DAB1: variants seen among roughly 807,000 people sequenced by gnomAD.
DAB1 encodes disabled homolog 1.
In DAB1, 15 loss-of-function variants were observed where a neutral mutation model predicts 64.6. That is an observed-to-expected ratio of 0.23 (90% confidence interval 0.16 to 0.36). The LOEUF (loss-of-function observed/expected upper bound fraction) is 0.36, where lower values mean the gene tolerates loss of function less well. Among genes scored for constraint, DAB1 ranks in the 10% least tolerant of loss-of-function variants. DAB1 has a pLI of 1.00. For missense variants in DAB1, 596 were observed against 706.7 expected (o/e 0.84, Z 1.78); for synonymous variants, 235 against 251.9 (o/e 0.93, Z 0.64).
chr1:58,080,746 T>C (rs904043089), intron 5 of DAB1, among the ~76,000 whole-genome samples: 4 of 152,234 alleles, frequency 2.6e-5, no homozygotes, highest in Admixed American at 6.5e-5. Flanking sequence ...CGCTCTGCCA[T>C]TTATTGCATG....
At chr1:56,999,814 T>G (rs962241679) in intron 14 of DAB1, among the ~76,000 whole-genome samples, 1 of 152,174 alleles carries the variant, frequency 6.6e-6, no homozygotes, top group African/African-American at 2.4e-5. Flanking sequence ...ACTTGTTATG[T>G]TTGTATTCTT....
At chr1:57,495,186 A>G (rs1368176519) in intron 7 of DAB1, among the ~76,000 whole-genome samples, 1 of 152,184 alleles carries the variant, frequency 6.6e-6, no homozygotes, top group Non-Finnish European at 1.5e-5. Context: ...ATTTGCCTAG[A>G]TTAACTGAAA....
At position 58,340,162 on chromosome 1, in the gene DAB1, T is replaced by C. The variant is rs143230745; in HGVS notation, n.309+3190A>G. Among the ~76,000 whole-genome samples the C allele has an allele frequency of 2.9e-3, 436 of 152,324 alleles. 3 individuals are homozygous for C. Among genetic ancestry groups the C allele is most frequent in the African/African-American group, 9.7e-3 (404 of 41,594 alleles). The stretch of plus-strand genomic sequence containing the variant: ...GCTTTTCTATACAGACTTTTTATTT[T>C]ACCCATTTGTCAGAGAATATTAACA... On this transcript the variant is annotated intron_variant and non_coding_transcript_variant, in intron 4 of 20. Transcript: ENST00000485760.
intron 2 of DAB1, among the ~76,000 whole-genome samples, chr1:57,275,897 G>A (rs190512323): frequency 6.6e-6 from 1 of 152,290 alleles, no homozygotes; most frequent in Admixed American, 6.5e-5. Flanking sequence ...ACTGCTAAAA[G>A]CAGTTCTGTA....
intron 4 of DAB1, among the ~76,000 whole-genome samples, chr1:57,122,723 T>A (rs1656771699): frequency 6.6e-6 from 1 of 152,162 alleles, no homozygotes; most frequent in Admixed American, 6.5e-5. Flanking sequence ...ATTCCCTTTC[T>A]TCAATAAACC....
intron 1 of DAB1, chr1:58,527,398 CAG>C (rs1421093224): frequency 2.0e-5 from 16 of 811,064 alleles, no homozygotes; most frequent in Middle Eastern, 2.3e-4. Context: ...AGGAGTAACA[CAG>C]AGAGATTTTT....
At chr1:58,325,187 GA>G (rs1413053595) in intron 4 of DAB1, among the ~76,000 whole-genome samples, 1 of 152,222 alleles carries the variant, frequency 6.6e-6, no homozygotes, top group Non-Finnish European at 1.5e-5. Context: ...ATTCACAGGA[GA>G]CAGGAGAGAA....
intron 4 of DAB1, among the ~76,000 whole-genome samples, chr1:57,103,026 C>T (rs539611325): frequency 2.2e-4 from 33 of 152,120 alleles, no homozygotes; most frequent in Non-Finnish European, 4.6e-4. Flanking sequence ...GTCTCAGAAA[C>T]CCACACGCTC....
chr1:57,119,216 G>GTC (rs1656419050), intron 4 of DAB1, among the ~76,000 whole-genome samples: 1 of 152,162 alleles, frequency 6.6e-6, no homozygotes, highest in Non-Finnish European at 1.5e-5. Context: ...AACAATGCAA[G>GTC]ATTTATGGCA....
intron 5 of DAB1, among the ~76,000 whole-genome samples, chr1:58,111,234 C>T (rs562705865): frequency 6.6e-6 from 1 of 152,338 alleles, no homozygotes; most frequent in East Asian, 1.9e-4. Flanking sequence ...TGTGTAATCT[C>T]AGGCAAGTTA....
intron 1 of DAB1, among the ~76,000 whole-genome samples, chr1:57,407,453 C>T (rs1683733561): frequency 6.6e-6 from 1 of 152,144 alleles, no homozygotes. Context: ...AAGGGAAGAG[C>T]GGTGTGACTT....
chr1:57,449,904 G>A (rs1686287765), intron 7 of DAB1, among the ~76,000 whole-genome samples: 1 of 152,158 alleles, frequency 6.6e-6, no homozygotes, highest in South Asian at 2.1e-4. Flanking sequence ...ATTGTTTAGA[G>A]CATTAACTAT....
chr1:58,423,515 C>G (rs560266092), intron 3 of DAB1, among the ~76,000 whole-genome samples: 7 of 152,332 alleles, frequency 4.6e-5, no homozygotes, highest in African/African-American at 1.7e-4. Context: ...ACCGCACCGT[C>G]TGCCATTTCT....
chr1:58,261,490 T>C (rs1287559765), intron 4 of DAB1, among the ~76,000 whole-genome samples: 2 of 152,072 alleles, frequency 1.3e-5, no homozygotes, highest in Non-Finnish European at 2.9e-5. Context: ...CAGATAGACC[T>C]CTCTCAAGAG....
intron 5 of DAB1, among the ~76,000 whole-genome samples, chr1:58,124,732 G>T (rs915806049): frequency 2.0e-5 from 3 of 152,162 alleles, no homozygotes; most frequent in Non-Finnish European, 4.4e-5. Flanking sequence ...ATCTGTGTGT[G>T]CTTAGGCCAG....
At chr1:57,159,255 A>G (rs1301165615) in intron 2 of DAB1, among the ~76,000 whole-genome samples, 1 of 152,162 alleles carries the variant, frequency 6.6e-6, no homozygotes, top group Non-Finnish European at 1.5e-5. Context: ...TAAATTCTTA[A>G]TAACAAAAGA....
At position 58,527,101 on chromosome 1, in the gene DAB1, G is replaced by C. The variant is rs146374186; in HGVS notation, n.107+160C>G. The stretch of plus-strand genomic sequence containing the variant: ...ACTCTTCAGTTATACATTCTTTCAA[G>C]GTCCATAATCTTCAAATTTCTAGAT... On this transcript the variant is annotated intron_variant and non_coding_transcript_variant, in intron 2 of 20. Coordinates refer to the DAB1 transcript ENST00000485760. 1.1e-4 allele frequency among the ~76,000 whole-genome samples: 16 copies of C among 152,132 alleles called. No individual in the cohort carries two copies. In the East Asian group the frequency reaches 3.1e-3, roughly 29 times the overall value.
At chr1:57,479,811 C>T (rs533837015) in intron 7 of DAB1, among the ~76,000 whole-genome samples, 20 of 152,218 alleles carry the variant, frequency 1.3e-4, no homozygotes, top group African/African-American at 4.6e-4. Context: ...TGAAGCTATA[C>T]TTCATATAAA....
rs1206615214 is a variant in DAB1, at chr1:57,025,985, G to A, written c.782C>T (p.Pro261Leu). The A allele has an allele frequency of 2.5e-6, 4 of 1,581,138 alleles. No individual in the cohort carries two copies. The highest frequency in any genetic ancestry group is 3.7e-5 in the Admixed American group (2 of 53,680). The part of the protein sequence containing the change: ...DMSTPPDITS[P>L]PTPATPGDAF... ...CAGAGAGCAATGCATACTTACGGGG[G>A]GAGAGGTTATATCAGGGGGTGTGGA... The change falls in exon 10 of 15, where the codon CCC (proline) becomes CTC (leucine). Residue 261 changes from proline to leucine, a missense_variant. Physicochemically the swap from Pro to Leu is moderately conservative, Grantham distance 98. Around this residue, in one of 3 missense-constraint regions of DAB1, gnomAD observed 377 missense variants for 400.4 expected, o/e 0.94. Transcript: ENST00000371236.
Sources: allele counts gnomAD v4.1 joint callset (sites outside exome capture counted in the v4.1 genomes callset), GRCh38; gene constraint gnomAD v4.1.1; regional missense constraint gnomAD v4.1.1; transcripts MANE v1.5; gene names NCBI Gene and HGNC (gene_info 2026-07-23, HGNC 2026-07-21).